Variants in ARHGAP24 observed in about 807,000 individuals in gnomAD.
The protein encoded by ARHGAP24 is Rho GTPase activating protein 24.
Under a neutral mutation model 76.4 loss-of-function variants are expected in ARHGAP24, and 50 were observed. That is an observed-to-expected ratio of 0.65 (90% CI 0.52 to 0.83). The LOEUF (loss-of-function observed/expected upper bound fraction) is 0.83, where lower values mean the gene tolerates loss of function less well. ARHGAP24 is among the 40% of genes least tolerant of loss of function. The pLI, the probability that ARHGAP24 is intolerant of heterozygous loss-of-function variation, is 0.00. For synonymous variants in ARHGAP24, 345 were observed against 323.3 expected, an observed-to-expected ratio of 1.07 and a Z score of -0.72; for missense variants, 930 against 914.2, an observed-to-expected ratio of 1.02 and a Z score of -0.22.
chr4:85,900,767 T>C (rs886323426), intron 3 of ARHGAP24, among the ~76,000 whole-genome samples: 4 of 152,208 alleles, frequency 2.6e-5, no homozygotes, highest in Non-Finnish European at 2.9e-5. Flanking sequence ...GGGATTCTCC[T>C]GGAAATCAGA....
chr4:85,537,486 A>G (rs116821611), intron 1 of ARHGAP24, among the ~76,000 whole-genome samples: 30 of 152,310 alleles, frequency 2.0e-4, no homozygotes, highest in African/African-American at 6.7e-4. Context: ...AAATCCATAT[A>G]AAGCTAGCAG....
intron 3 of ARHGAP24, among the ~76,000 whole-genome samples, chr4:85,874,984 TTA>T (rs1165221824): frequency 1.7e-5 from 2 of 116,580 alleles, no homozygotes; most frequent in East Asian, 2.3e-4. Context: ...TTTATATAAT[TTA>T]TATATAAATA....
At chr4:85,699,305 C>T (rs919517354) in intron 2 of ARHGAP24, among the ~76,000 whole-genome samples, 2 of 152,180 alleles carry the variant, frequency 1.3e-5, no homozygotes, top group African/African-American at 4.8e-5. Flanking sequence ...TTAAAAATTT[C>T]ATTTTTCAAA....
intron 5 of ARHGAP24, among the ~76,000 whole-genome samples, chr4:85,964,906 G>A (rs1578440760): frequency 6.6e-6 from 1 of 151,960 alleles, no homozygotes; most frequent in South Asian, 2.1e-4. Flanking sequence ...TGCACATATG[G>A]GATGTTGGAG....
chr4:85,797,241 C>T (rs1728390156), intron 3 of ARHGAP24, among the ~76,000 whole-genome samples: 1 of 151,872 alleles, frequency 6.6e-6, no homozygotes, highest in South Asian at 2.1e-4. Flanking sequence ...GGCGCAATCT[C>T]GGCTCACTGC....
intron 3 of ARHGAP24, among the ~76,000 whole-genome samples, chr4:85,773,878 T>C (rs1428950781): frequency 1.3e-5 from 2 of 152,220 alleles, no homozygotes; most frequent in Non-Finnish European, 2.9e-5. Flanking sequence ...AATTAATAAA[T>C]ATTTTAGCTT....
chr4:85,674,834 G>A (rs1413557449), intron 2 of ARHGAP24, among the ~76,000 whole-genome samples: 1 of 152,172 alleles, frequency 6.6e-6, no homozygotes, highest in Non-Finnish European at 1.5e-5. Context: ...ATCTGCCTGA[G>A]GTAAACTTTT....
chr4:85,767,363 A>T (rs930256651), intron 3 of ARHGAP24, among the ~76,000 whole-genome samples: 3 of 152,182 alleles, frequency 2.0e-5, no homozygotes, highest in Admixed American at 1.3e-4. Context: ...TTGGTTATGT[A>T]TGTATTATGT....
chr4:85,833,518 A>C (rs1730106042), intron 3 of ARHGAP24, among the ~76,000 whole-genome samples: 1 of 152,100 alleles, frequency 6.6e-6, no homozygotes, highest in Non-Finnish European at 1.5e-5. Context: ...TGTGTCATTC[A>C]CGCTAAGTTT....
At chr4:85,966,593 G>A (rs1324659543) in intron 5 of ARHGAP24, among the ~76,000 whole-genome samples, 1 of 152,152 alleles carries the variant, frequency 6.6e-6, no homozygotes, top group African/African-American at 2.4e-5. Flanking sequence ...GCTGAATTTA[G>A]TCTGGAGCTG....
At chr4:85,869,259 T>TC (rs1732390290) in intron 3 of ARHGAP24, among the ~76,000 whole-genome samples, 1 of 152,202 alleles carries the variant, frequency 6.6e-6, no homozygotes, top group South Asian at 2.1e-4. Flanking sequence ...TCCTAGTCTT[T>TC]CCCCCTTGAA....
intron 2 of ARHGAP24, among the ~76,000 whole-genome samples, chr4:85,655,822 G>GAGAGAGAGAGAGAGAA (rs1722143775): frequency 5.6e-5 from 6 of 107,948 alleles, no homozygotes; most frequent in African/African-American, 2.3e-4. Context: ...GAGAGAAAGA[G>GAGAGAGAGAGAGAGAA]AGAGAGAGAG....
chr4:85,726,307 A>G (rs1424889329), intron 3 of ARHGAP24, among the ~76,000 whole-genome samples: 3 of 152,084 alleles, frequency 2.0e-5, no homozygotes, highest in Non-Finnish European at 4.4e-5. Flanking sequence ...TCTATCTATA[A>G]TCTTAGATTG....
intron 2 of ARHGAP24, among the ~76,000 whole-genome samples, chr4:85,596,464 G>C (rs974633383): frequency 1.3e-5 from 2 of 152,056 alleles, no homozygotes; most frequent in Non-Finnish European, 2.9e-5. Flanking sequence ...AGTGATGTTT[G>C]TGTAAGTGCT....
At chr4:85,513,335 C>A (rs919220391) in intron 1 of ARHGAP24, among the ~76,000 whole-genome samples, 1 of 152,150 alleles carries the variant, frequency 6.6e-6, no homozygotes, top group African/African-American at 2.4e-5. Flanking sequence ...GACAGAAATC[C>A]TTTCGCTTTT....
intron 3 of ARHGAP24, among the ~76,000 whole-genome samples, chr4:85,769,126 A>T (rs1023181719): frequency 4.6e-5 from 7 of 152,226 alleles, no homozygotes; most frequent in African/African-American, 1.7e-4. Context: ...ACATTCAAAA[A>T]AGCGATGATT....
At chr4:85,514,829 A>AAAG (rs1724427297) in intron 1 of ARHGAP24, among the ~76,000 whole-genome samples, 1 of 150,284 alleles carries the variant, frequency 6.7e-6, no homozygotes, top group Non-Finnish European at 1.5e-5. Context: ...AAAAAAAAAA[A>AAAG]AAAAAAAAAA....
chr4:85,541,978 T>C (rs1725723197), intron 1 of ARHGAP24, among the ~76,000 whole-genome samples: 1 of 152,168 alleles, frequency 6.6e-6, no homozygotes, highest in Non-Finnish European at 1.5e-5. Flanking sequence ...TGCATAAGTA[T>C]TTTAAAATAG....
chr4:85,583,141 TAAC>T (rs1727686832), intron 2 of ARHGAP24, among the ~76,000 whole-genome samples: 1 of 152,164 alleles, frequency 6.6e-6, no homozygotes, highest in African/African-American at 2.4e-5. Flanking sequence ...GAAATTAAAA[TAAC>T]AAGTTTTCTT....
Sources: gnomAD v4.1 joint callset for allele counts (sites outside exome capture counted in the v4.1 genomes callset) on GRCh38, gnomAD v4.1.1 for gene constraint, MANE v1.5 for transcripts, NCBI Gene and HGNC (gene_info 2026-07-23, HGNC 2026-07-21) for gene names.